The following FMN1 variants were observed in gnomAD, a reference collection of about 807,000 sequenced individuals.
The protein encoded by FMN1 is formin-1.
A neutral mutation model predicts 132.4 loss-of-function variants in FMN1; 110 were observed. The ratio of observed to expected loss-of-function variants is 0.83; its 90% confidence interval spans 0.71 to 0.97. The LOEUF is 0.97. FMN1 is among the 50% of genes least tolerant of loss of function. The pLI is 0.00. For missense variants in FMN1, 1,792 were observed against 1,705.3 expected, an observed-to-expected ratio of 1.05 and a Z score of -0.90; for synonymous variants, 722 against 651.7, an observed-to-expected ratio of 1.11 and a Z score of -1.64.
intron 17 of FMN1, among the ~76,000 whole-genome samples, chr15:32,821,108 T>TTTTTTTTTTTTTTTTTTTTTTTTTG (rs1229243106): frequency 6.6e-6 from 1 of 150,636 alleles, no homozygotes; most frequent in Non-Finnish European, 1.5e-5. Flanking sequence ...ACAGATTTTC[T>TTTTTTTTTTTTTTTTTTTTTTTTTG]AAGATACAAT....
chr15:33,084,732 A>C (rs1240244755), intron 5 of FMN1, among the ~76,000 whole-genome samples: 1 of 150,492 alleles, frequency 6.6e-6, no homozygotes, highest in African/African-American at 2.4e-5. Context: ...TTCCCCAAGG[A>C]ACCCCTGAGT....
chr15:32,805,370 A>T (rs2057643427), intron 17 of FMN1, among the ~76,000 whole-genome samples: 1 of 152,008 alleles, frequency 6.6e-6, no homozygotes, highest in Non-Finnish European at 1.5e-5. Flanking sequence ...TTTCTTGTAA[A>T]TTTGTTTTTC....
At chr15:33,026,409 T>TACACACACACACACAC (rs532485925) in intron 6 of FMN1, among the ~76,000 whole-genome samples, 3 of 21,382 alleles carry the variant, frequency 1.4e-4, no homozygotes, top group Non-Finnish European at 4.2e-4. Context: ...CGTCCAAATT[T>TACACACACACACACAC]TCACACACAC....
chr15:32,826,094 T>C (rs1322967846), intron 17 of FMN1, among the ~76,000 whole-genome samples: 3 of 152,358 alleles, frequency 2.0e-5, no homozygotes, highest in African/African-American at 7.2e-5. Flanking sequence ...TCACTCAAAG[T>C]GAGACTCAAG....
At chr15:32,984,782 A>G (rs1359090359) in intron 7 of FMN1, among the ~76,000 whole-genome samples, 9 of 152,154 alleles carry the variant, frequency 5.9e-5, no homozygotes, top group African/African-American at 1.9e-4. Flanking sequence ...AGCAGGATCC[A>G]TATGTCATGA....
At chr15:33,031,651 T>C (rs955858508) in intron 6 of FMN1, among the ~76,000 whole-genome samples, 2 of 152,200 alleles carry the variant, frequency 1.3e-5, no homozygotes, top group African/African-American at 2.4e-5. Context: ...CACAGCTGAA[T>C]AAGCAGCCAG....
intron 17 of FMN1, among the ~76,000 whole-genome samples, chr15:32,808,047 A>T (rs1329246412): frequency 6.6e-6 from 1 of 152,262 alleles, no homozygotes. Context: ...CACAAACTCA[A>T]ATTCTAATAC....
At chr15:33,001,128 C>A (rs1596444459) in intron 7 of FMN1, among the ~76,000 whole-genome samples, 1 of 152,130 alleles carries the variant, frequency 6.6e-6, no homozygotes, top group African/African-American at 2.4e-5. Context: ...ACTAAAAATA[C>A]AAAAATTAGC....
intron 7 of FMN1, among the ~76,000 whole-genome samples, chr15:32,979,352 G>A (rs958339312): frequency 5.3e-5 from 8 of 152,082 alleles, no homozygotes; most frequent in African/African-American, 1.4e-4. Flanking sequence ...TCAGGAGATC[G>A]AGACCATCCT....
chr15:32,820,516 C>CACAT, intron 17 of FMN1, among the ~76,000 whole-genome samples: 1 of 150,764 alleles, frequency 6.6e-6, no homozygotes, highest in Non-Finnish European at 1.5e-5. Flanking sequence ...TCTCCCCCAA[C>CACAT]ACATATATAT....
At chr15:33,057,938 T>C (rs968269192) in intron 6 of FMN1, among the ~76,000 whole-genome samples, 1 of 120,892 alleles carries the variant, frequency 8.3e-6, no homozygotes, top group African/African-American at 2.6e-5. Context: ...TATAAGCACA[T>C]GAAAGCAGAC....
intron 8 of FMN1, 63 bp downstream of exon 8, chr15:32,968,651 A>T: frequency 3.1e-6 from 5 of 1,600,686 alleles, no homozygotes; most frequent in Non-Finnish European, 4.3e-6. Flanking sequence ...GGTAAGAATA[A>T]AATATCACTT....
intron 5 of FMN1, among the ~76,000 whole-genome samples, chr15:33,073,724 C>T (rs896782036): frequency 6.8e-6 from 1 of 147,034 alleles, no homozygotes; most frequent in African/African-American, 2.5e-5. Context: ...TAGAAATTTA[C>T]CTAGCTTGTT....
intron 3 of FMN1, among the ~76,000 whole-genome samples, chr15:33,160,400 C>T (rs989137866): frequency 2.6e-5 from 4 of 152,326 alleles, no homozygotes; most frequent in Admixed American, 2.6e-4. Context: ...TGAACTTCAA[C>T]CTCAACCCTC....
chr15:32,991,962 G>A (rs989885005), intron 7 of FMN1, among the ~76,000 whole-genome samples: 4 of 152,156 alleles, frequency 2.6e-5, no homozygotes, highest in Admixed American at 2.0e-4. Flanking sequence ...CGACTAAAAT[G>A]TTCTTTTTGA....
intron 4 of FMN1, among the ~76,000 whole-genome samples, chr15:33,152,725 C>T (rs1964487398): frequency 7.9e-6 from 1 of 126,386 alleles, no homozygotes; most frequent in African/African-American, 3.0e-5. Context: ...CTTCTCTCTG[C>T]CTGTTCCTGT....
At chr15:33,088,371 A>G (rs1004859361) in intron 5 of FMN1, among the ~76,000 whole-genome samples, 5 of 152,204 alleles carry the variant, frequency 3.3e-5, no homozygotes, top group Non-Finnish European at 7.3e-5. Flanking sequence ...AGCTGGAGAG[A>G]AAGGTTCATG....
intron 4 of FMN1, among the ~76,000 whole-genome samples, chr15:33,089,382 GC>G (rs2038823961): frequency 6.6e-6 from 1 of 152,212 alleles, no homozygotes; most frequent in Non-Finnish European, 1.5e-5. Context: ...CAGGAACTGT[GC>G]CTTGTTCATC....
chr15:33,105,785 G>A (rs895256667), intron 4 of FMN1: 1 of 149,828 alleles, frequency 6.7e-6, no homozygotes, highest in Non-Finnish European at 1.5e-5. Flanking sequence ...GATTCATAAG[G>A]TTATAAAATG....
Sources: allele counts gnomAD v4.1 joint callset (sites outside exome capture counted in the v4.1 genomes callset), GRCh38; gene constraint gnomAD v4.1.1; transcripts MANE v1.5; gene names NCBI Gene and HGNC (gene_info 2026-07-23, HGNC 2026-07-21).